The following RANBP2 variants were observed in gnomAD, a reference collection of about 807,000 sequenced individuals.
The protein encoded by RANBP2 is RAN binding protein 2, also known as E3 SUMO-protein ligase RanBP2.
RANBP2 carries 57 observed loss-of-function variants against 303.6 expected under a neutral mutation model. That is an observed-to-expected ratio of 0.19 (90% confidence interval 0.15 to 0.23). The LOEUF is 0.23. Among genes scored for constraint, RANBP2 ranks in the 10% least tolerant of loss-of-function variants. RANBP2 has a pLI of 1.00. For synonymous variants in RANBP2, 1,167 were observed against 1,301.5 expected, an observed-to-expected ratio of 0.90 and a Z score of 2.23; for missense variants, 3,138 against 3,780.8, an observed-to-expected ratio of 0.83 and a Z score of 4.46.
the RANBP2 span, among the ~76,000 whole-genome samples, chr2:108,904,271 C>T: frequency 3.9e-5 from 6 of 152,268 alleles, no homozygotes; most frequent in South Asian, 1.0e-3. Flanking sequence ...TATCATAACA[C>T]ACTTCTCAGA....
In RANBP2 at chr2:108,772,789, T is replaced by TAC; in HGVS notation, c.8114-79_8114-78insAC. 3.4e-6 allele frequency: 5 copies of TAC among 1,464,882 alleles called. No homozygotes were observed. In the South Asian group the frequency reaches 4.7e-5, roughly 14 times the overall value. The allele number at this position is 1,464,882 out of a possible 1,614,324, so 90.7% of individuals were successfully genotyped here. On this transcript the variant is annotated intron_variant, in intron 22 of 28. Coordinates refer to ENST00000283195, the MANE Select transcript of RANBP2 (RefSeq NM_006267.5). ...AGGTCTTGTTACCTGGGTCTGTGGA[T>TAC]TATGTTGATGACTACCATTGTTGTA...
the RANBP2 span, among the ~76,000 whole-genome samples, chr2:109,178,531 C>T: frequency 6.6e-6 from 1 of 152,146 alleles, no homozygotes; most frequent in Non-Finnish European, 1.5e-5. Context: ...CCCAACATTG[C>T]TATGTTTTAT....
chr2:109,690,073 C>T, the RANBP2 span, among the ~76,000 whole-genome samples: 2 of 152,142 alleles, frequency 1.3e-5, no homozygotes, highest in African/African-American at 2.4e-5. Context: ...CAGCTACCCA[C>T]CATGGTACTG....
At chr2:109,259,125 T>C in the RANBP2 span, among the ~76,000 whole-genome samples, 1 of 152,256 alleles carries the variant, frequency 6.6e-6, no homozygotes, top group Admixed American at 6.5e-5. Context: ...TCACATGTAA[T>C]AGCTGCAACA....
At chr2:109,091,946 G>T in the RANBP2 span, among the ~76,000 whole-genome samples, 1 of 152,088 alleles carries the variant, frequency 6.6e-6, no homozygotes, top group African/African-American at 2.4e-5. Flanking sequence ...GGAGGTCTCA[G>T]TTGGCTCTCC....
At chr2:108,752,889 C>G in intron 12 of RANBP2, 109 bp from the exon 13 acceptor site, 1 of 1,597,886 alleles carries the variant, frequency 6.3e-7, no homozygotes, top group Non-Finnish European at 8.5e-7. Context: ...ATTGAGATAC[C>G]ATTTGGTTTT....
At chr2:109,717,271 C>A in the RANBP2 span, among the ~76,000 whole-genome samples, 121 of 80,842 alleles carry the variant, frequency 1.5e-3, no homozygotes, top group East Asian at 7.0e-3. Context: ...TAAAAACAAA[C>A]CAAAAAAAAA....
chr2:109,458,572 C>CAGAGAGAGAGAGAGAGAG, the RANBP2 span, among the ~76,000 whole-genome samples: 1,811 of 122,992 alleles, frequency 0.015, 162 homozygotes, highest in East Asian at 0.043. Flanking sequence ...CAGCAGGAGA[C>CAGAGAGAGAGAGAGAGAG]AGAGAGAGAG....
At chr2:109,553,048 A>G in the RANBP2 span, 1 of 1,591,956 alleles carries the variant, frequency 6.3e-7, no homozygotes, top group South Asian at 1.1e-5. Context: ...TAGGACATCT[A>G]AAAAATAAAT....
chr2:109,340,653 T>C, the RANBP2 span, among the ~76,000 whole-genome samples: 2 of 152,166 alleles, frequency 1.3e-5, no homozygotes, highest in South Asian at 4.1e-4. Context: ...CCTCAGCAAG[T>C]AGTCAATGAT....
chr2:109,661,873 T>C, the RANBP2 span, among the ~76,000 whole-genome samples: 1 of 152,204 alleles, frequency 6.6e-6, no homozygotes, highest in African/African-American at 2.4e-5. Context: ...CCCACCCAGA[T>C]GCCCAGCTAC....
At chr2:109,232,537 C>A in the RANBP2 span, among the ~76,000 whole-genome samples, 1 of 152,164 alleles carries the variant, frequency 6.6e-6, no homozygotes, top group East Asian at 1.9e-4. Flanking sequence ...GTCTCCCATG[C>A]TGTAATGTTC....
At chr2:109,151,148 G>C in the RANBP2 span, among the ~76,000 whole-genome samples, 1 of 152,232 alleles carries the variant, frequency 6.6e-6, no homozygotes, top group Non-Finnish European at 1.5e-5. Context: ...GCTTATATTT[G>C]ATGGGTTCTT....
the RANBP2 span, among the ~76,000 whole-genome samples, chr2:109,687,636 G>A: frequency 1.1e-4 from 16 of 152,108 alleles, no homozygotes; most frequent in African/African-American, 3.6e-4. Flanking sequence ...CCCCTGTGAG[G>A]AGAAAATCCA....
chr2:109,671,399 A>G, the RANBP2 span, among the ~76,000 whole-genome samples: 2 of 152,246 alleles, frequency 1.3e-5, no homozygotes, highest in Admixed American at 1.3e-4. Flanking sequence ...CATCAGTGCC[A>G]GTGGTGGCAG....
chr2:109,325,331 C>CTTTTTTTTTTTTTTTT, the RANBP2 span, among the ~76,000 whole-genome samples: 5 of 66,256 alleles, frequency 7.5e-5, no homozygotes, highest in Non-Finnish European at 1.1e-4. Flanking sequence ...TTCTTTCTTT[C>CTTTTTTTTTTTTTTTT]TTTTTTTTTT....
At chr2:108,913,267 G>T in the RANBP2 span, among the ~76,000 whole-genome samples, 3 of 151,756 alleles carry the variant, frequency 2.0e-5, no homozygotes, top group African/African-American at 7.3e-5. Context: ...TTCTTTAAAT[G>T]AAAACACTCA....
At chr2:109,373,311 T>C in the RANBP2 span, among the ~76,000 whole-genome samples, 1 of 152,224 alleles carries the variant, frequency 6.6e-6, no homozygotes, top group Admixed American at 6.5e-5. Flanking sequence ...CTGGCCAAAC[T>C]TTTTTCTCCA....
the RANBP2 span, among the ~76,000 whole-genome samples, chr2:109,279,375 G>A: frequency 0.65 from 98,301 of 152,110 alleles, 32,059 homozygotes; most frequent in East Asian, 0.86. Flanking sequence ...GCAGTGGCAG[G>A]TTCTTGCATG....
Sources: gnomAD v4.1 joint callset for allele counts (sites outside exome capture counted in the v4.1 genomes callset) on GRCh38, gnomAD v4.1.1 for gene constraint, MANE v1.5 for transcripts, NCBI Gene and HGNC (gene_info 2026-07-23, HGNC 2026-07-21) for gene names.